FCRL5: variants seen among roughly 807,000 people sequenced by gnomAD.
The protein encoded by FCRL5 is Fc receptor like 5, also known as Fc receptor-like protein 5.
Under a neutral mutation model 92.1 loss-of-function variants are expected in FCRL5, and 79 were observed. The ratio of observed to expected loss-of-function variants is 0.86; its 90% CI spans 0.72 to 1.03. The LOEUF (loss-of-function observed/expected upper bound fraction) is 1.03. FCRL5 is among the 50% of genes least tolerant of loss of function. FCRL5 has a pLI of 0.00. For synonymous variants in FCRL5, 466 were observed against 469.3 expected (o/e 0.99, Z 0.09); for missense variants, 1,160 against 1,181.1 (o/e 0.98, Z 0.26).
rs1309059817 is a variant in FCRL5 at position 157,518,714 on chromosome 1, G to A, written c.2729C>T (p.Pro910Leu). ...TCGGGCCTCACCATTAGTGTACACT[G>A]GTTGCAGCTCTTCCCAGGCTGGTAC... ...HNVPAWEELQ[P>L]VYTNANPRGE... Residue 910 changes from proline to leucine, a missense_variant, in exon 14 of 17, where the codon CCA becomes CTA. Physicochemically the swap from Pro to Leu is moderately conservative, Grantham distance 98. Transcript: ENST00000361835. 6.2e-7 allele frequency: 1 copy of A among 1,613,200 alleles called. No individual in the cohort carries two copies. The highest frequency in any genetic ancestry group is 8.5e-7 in the Non-Finnish European group (1 of 1,179,784).
chr1:157,544,256 A>G lies in FCRL5; in HGVS notation c.844+6T>C. ...GCAGCAAATCTCAGGTTCCACCAAC[A>G]CTTACTCTGCACCTGTATCCAGGAT... On this transcript the variant is annotated splice_donor_region_variant and intron_variant, in intron 5 of 16. Transcript: ENST00000361835. 6.2e-7 allele frequency: 1 copy of G among 1,613,304 alleles called. No homozygotes were observed. Among genetic ancestry groups the G allele is most frequent in the Non-Finnish European group, 8.5e-7 (1 of 1,179,350 alleles).
chr1:157,520,491 T>C lies in FCRL5; in HGVS notation c.2572A>G (p.Ser858Gly), dbSNP rs1424237201. 6 of 1,575,762 alleles carry C rather than the reference T, an allele frequency of 3.8e-6. No homozygotes were observed. In the South Asian group the frequency reaches 7.0e-5, roughly 18 times the overall value. The change falls in exon 12 of 17, where the codon AGC becomes GGC. Residue 858 changes from serine to glycine, a missense_variant. Ser to Gly is a moderately conservative substitution (Grantham distance 56). Transcript: ENST00000361835. ...FATGVAGGLL[S>G]IAGLAAGALL... ...GCCCCCGCAGCAAGGCCTGCTATGCTGAGCAGGCCCCCGGCGACTCCTGTG... is the reference window on the plus strand; with the variant it reads ...GCCCCCGCAGCAAGGCCTGCTATGCCGAGCAGGCCCCCGGCGACTCCTGTG...
At chr1:157,530,019 A>C (rs12117143) in intron 8 of FCRL5, among the ~76,000 whole-genome samples, 13,291 of 152,296 alleles carry the variant, frequency 0.087, 1,556 homozygotes, top group African/African-American at 0.27. Context: ...ACTTTACAGA[A>C]TTATCTAAGT....
At chr1:157,520,705 T>C (rs1650141256) in intron 11 of FCRL5, 158 bp from the exon 12 acceptor site, 2 of 641,648 alleles carry the variant, frequency 3.1e-6, no homozygotes, top group Non-Finnish European at 2.7e-6. Context: ...CTCCTGTCTT[T>C]GTGAGGAAGC....
chr1:157,543,051 G>C lies in FCRL5; in HGVS notation c.931C>G (p.Gln311Glu). The change falls in exon 6 of 17, where the codon CAG becomes GAG. Residue 311 changes from glutamine to glutamate, a missense_variant. Coordinates refer to ENST00000361835, the MANE Select transcript of FCRL5 (RefSeq NM_031281.3). ...TACAAAGTGCGCAGAGAATCTTCCT[G>C]GGTTTCACAGTGAAGTGTCACCTTG... ...GTKVTLHCETQEDSLRTLYRF... is the reference protein window; with the variant it reads ...GTKVTLHCETEEDSLRTLYRF... 1.2e-6 allele frequency: 2 copies of C among 1,614,202 alleles called. No homozygotes were observed. The highest frequency in any genetic ancestry group is 8.5e-7 in the Non-Finnish European group (1 of 1,180,030).
chr1:157,540,525 TA>T (rs536172209), intron 6 of FCRL5, among the ~76,000 whole-genome samples: 5,225 of 142,106 alleles, frequency 0.037, 277 homozygotes, highest in African/African-American at 0.12. Context: ...TCTCCATGTT[TA>T]AAAAAAAAAA....
At chr1:157,520,405 G>T in intron 12 of FCRL5, 26 bp downstream of exon 12, 4 of 1,516,502 alleles carry the variant, frequency 2.6e-6, no homozygotes, top group Non-Finnish European at 3.6e-6. Context: ...ATGAACTCAA[G>T]CCAAGGTGTG....
At chr1:157,541,053 GCTAAATTCA>G (rs1651236062) in intron 6 of FCRL5, among the ~76,000 whole-genome samples, 1 of 152,168 alleles carries the variant, frequency 6.6e-6, no homozygotes, top group Non-Finnish European at 1.5e-5. Flanking sequence ...GTACTTTGTG[GCTAAATTCA>G]CTGGATGTGA....
At chr1:157,542,777 AG>A (rs553616611) in intron 6 of FCRL5, 81 bp downstream of exon 6, 2 of 1,455,850 alleles carry the variant, frequency 1.4e-6, no homozygotes, top group Non-Finnish European at 1.9e-6. Context: ...GGATACTGGA[AG>A]GTATATGCTG....
At chr1:157,546,450 A>AAACCAAACC (rs1651540504) in intron 3 of FCRL5, among the ~76,000 whole-genome samples, 1 of 145,016 alleles carries the variant, frequency 6.9e-6, no homozygotes, top group Non-Finnish European at 1.5e-5. Context: ...TCCATCTCAA[A>AAACCAAACC]AAACCAAACC....
At chr1:157,533,403 G>A (rs888525883) in intron 8 of FCRL5, 3 of 152,054 alleles carry the variant, frequency 2.0e-5, no homozygotes, top group African/African-American at 7.2e-5. Flanking sequence ...TTCAATTAAT[G>A]GTTTTCAAAG....
intron 8 of FCRL5, chr1:157,533,179 C>T (rs1244752013): frequency 1.3e-5 from 2 of 152,142 alleles, no homozygotes; most frequent in Non-Finnish European, 2.9e-5. Flanking sequence ...TTCTGATCTA[C>T]ATATTCAAGT....
rs369389707 is a variant in FCRL5, at chr1:157,520,468, C to T, written c.2595G>A (p.Gly865=). The change falls in exon 12 of 17, where the codon GGG becomes GGA. Residue 865 remains glycine, a synonymous_variant. Coordinates refer to ENST00000361835, the MANE Select transcript of FCRL5 (RefSeq NM_031281.3). ...GLLSIAGLAA[G]ALLLYCWLSR... ...AGAGCCAGCAGTAGAGCAGCAGTGC[C>T]CCCGCAGCAAGGCCTGCTATGCTGA... 4 of 1,573,878 alleles carry T rather than the reference C, an allele frequency of 2.5e-6. No homozygotes were observed. Among genetic ancestry groups the T allele is most frequent in the Admixed American group, 3.7e-5 (2 of 54,366 alleles).
intron 16 of FCRL5, 21 bp from the exon 17 acceptor site, chr1:157,515,785 C>A (rs780426003): frequency 1.9e-6 from 3 of 1,575,472 alleles, no homozygotes; most frequent in Non-Finnish European, 8.7e-7. Context: ...AGAGCACATG[C>A]GTGAGGACCA....
In FCRL5 at chr1:157,527,660, G is replaced by A. The variant is rs548559427; in HGVS notation, c.1917C>T (p.Gly639=). The part of the protein sequence containing the change: ...SGNYSCEANN[G]LVAQHSDTIS... ...TTGTGTCACTGTGCTGGGCCACTAGGCCATTGTTGGCCTCACATGAGTAGT... is the reference window on the plus strand; with the variant it reads ...TTGTGTCACTGTGCTGGGCCACTAGACCATTGTTGGCCTCACATGAGTAGT... Residue 639 remains glycine, a synonymous_variant, in exon 9 of 17, where the codon GGC becomes GGT. Coordinates refer to ENST00000361835, the MANE Select transcript of FCRL5 (RefSeq NM_031281.3). 18 of 1,613,902 alleles carry A rather than the reference G, an allele frequency of 1.1e-5. No individual in the cohort carries two copies. The South Asian group carries it at 1.9e-4, about 17-fold the overall frequency.
chr1:157,551,295 C>T (rs1219419799), intron 1 of FCRL5, among the ~76,000 whole-genome samples: 1 of 152,180 alleles, frequency 6.6e-6, no homozygotes, highest in African/African-American at 2.4e-5. Flanking sequence ...GGCCATTACC[C>T]ACATTGTGTG....
intron 10 of FCRL5, 133 bp downstream of exon 10, chr1:157,524,146 T>G: frequency 1.2e-6 from 1 of 867,196 alleles, no homozygotes; most frequent in South Asian, 1.8e-5. Context: ...AGGGAGGTTC[T>G]GCAGGCAGGA....
chr1:157,520,115 A>G (rs1162813413), intron 12 of FCRL5, among the ~76,000 whole-genome samples: 1 of 152,014 alleles, frequency 6.6e-6, no homozygotes, highest in African/African-American at 2.4e-5. Context: ...TTTCATTTCT[A>G]TTTCTCTGAG....
At chr1:157,551,748 A>G (rs898994774) in intron 1 of FCRL5, among the ~76,000 whole-genome samples, 1 of 152,246 alleles carries the variant, frequency 6.6e-6, no homozygotes, top group Non-Finnish European at 1.5e-5. Flanking sequence ...GTTGATAGAG[A>G]CTTACGTACA....
Sources: allele counts gnomAD v4.1 joint callset (sites outside exome capture counted in the v4.1 genomes callset), GRCh38; gene constraint gnomAD v4.1.1; transcripts MANE v1.5; gene names NCBI Gene and HGNC (gene_info 2026-07-23, HGNC 2026-07-21).